Variants in PCDHA1 observed in about 807,000 individuals in gnomAD.
PCDHA1 encodes the protein protocadherin alpha-1.
A neutral mutation model predicts 61.3 loss-of-function variants in PCDHA1; 42 were observed. The ratio of observed to expected loss-of-function variants is 0.69; its 90% CI spans 0.54 to 0.89. The LOEUF (loss-of-function observed/expected upper bound fraction) is 0.89. PCDHA1 is among the 40% of genes least tolerant of loss of function. The probability of loss-of-function intolerance (pLI) is 0.00; values close to 1 mark genes in which losing one functional copy is unlikely to be tolerated. For synonymous variants in PCDHA1, 610 were observed against 553.8 expected (o/e 1.10, Z -1.43); for missense variants, 1,256 against 1,235.3 (o/e 1.02, Z -0.25).
At chr5:140,834,191 T>A in intron 1 of PCDHA1, 1 of 586,888 alleles carries the variant, frequency 1.7e-6, no homozygotes, top group Non-Finnish European at 3.0e-6. Context: ...ATGATGTCGC[T>A]CTTTACCGCA....
chr5:140,937,492 C>T (rs1390017602), intron 1 of PCDHA1, among the ~76,000 whole-genome samples: 1 of 152,054 alleles, frequency 6.6e-6, no homozygotes, highest in African/African-American at 2.4e-5. Context: ...TGGCACATAC[C>T]CGTAATCCCA....
chr5:140,828,221 T>C, intron 1 of PCDHA1: 2 of 1,614,030 alleles, frequency 1.2e-6, no homozygotes, highest in Non-Finnish European at 1.7e-6. Flanking sequence ...ACACGGCACC[T>C]TCGTGGGCCG....
intron 1 of PCDHA1, chr5:140,853,549 T>C: frequency 1.0e-6 from 1 of 979,350 alleles, no homozygotes; most frequent in South Asian, 4.8e-5. Flanking sequence ...TTGTAATTAC[T>C]ATATAGGAAA....
At chr5:140,879,208 A>C (rs546096733) in intron 1 of PCDHA1, among the ~76,000 whole-genome samples, 1 of 152,362 alleles carries the variant, frequency 6.6e-6, no homozygotes, top group East Asian at 1.9e-4. Context: ...ATGGCAGTAG[A>C]AATGAATTGA....
chr5:140,797,742 C>G (rs1316831856), intron 1 of PCDHA1, among the ~76,000 whole-genome samples: 1 of 152,170 alleles, frequency 6.6e-6, no homozygotes, highest in African/African-American at 2.4e-5. Context: ...CACTGTCTAT[C>G]CAATCTGTCG....
intron 1 of PCDHA1, among the ~76,000 whole-genome samples, chr5:140,855,336 A>AT (rs1438851451): frequency 6.7e-6 from 1 of 149,788 alleles, no homozygotes; most frequent in Non-Finnish European, 1.5e-5. Context: ...AGGTTAAACG[A>AT]TTTTCCCAAG....
At chr5:140,797,067 C>A (rs1554120285) in intron 1 of PCDHA1, 2 of 1,613,864 alleles carry the variant, frequency 1.2e-6, no homozygotes, top group Non-Finnish European at 1.7e-6. Flanking sequence ...TGTACCTGAT[C>A]ATCGCCATCT....
chr5:141,008,670 A>G (rs1375302412), intron 3 of PCDHA1, among the ~76,000 whole-genome samples: 1 of 152,218 alleles, frequency 6.6e-6, no homozygotes, highest in Non-Finnish European at 1.5e-5. Flanking sequence ...TACTTTACAT[A>G]TACTTTAGTT....
chr5:140,812,657 A>G (rs1192812490), intron 1 of PCDHA1: 1 of 152,140 alleles, frequency 6.6e-6, no homozygotes, highest in Non-Finnish European at 1.5e-5. Flanking sequence ...ACAAGATCTC[A>G]CTATGATGTA....
chr5:140,889,551 C>A (rs981990006), intron 1 of PCDHA1, among the ~76,000 whole-genome samples: 1 of 152,074 alleles, frequency 6.6e-6, no homozygotes, highest in Non-Finnish European at 1.5e-5. Flanking sequence ...ATTTACTTTT[C>A]TTCAGAATTC....
At chr5:140,824,627 T>TG (rs1379526597) in intron 1 of PCDHA1, 1 of 134,010 alleles carries the variant, frequency 7.5e-6, no homozygotes, top group East Asian at 2.0e-4. Flanking sequence ...TTTTTTTTTT[T>TG]TTTTTATTTT....
At chr5:140,829,199 G>C (rs1416881170) in intron 1 of PCDHA1, 1 of 1,614,038 alleles carries the variant, frequency 6.2e-7, no homozygotes, top group East Asian at 2.2e-5. Context: ...TACTGTCATC[G>C]CCCTAATTAG....
At chr5:140,931,507 T>C (rs564431042) in intron 1 of PCDHA1, among the ~76,000 whole-genome samples, 1 of 152,016 alleles carries the variant, frequency 6.6e-6, no homozygotes, top group African/African-American at 2.4e-5. Flanking sequence ...TTTAAACATA[T>C]ATGAATGATT....
intron 1 of PCDHA1, among the ~76,000 whole-genome samples, chr5:140,879,240 C>T (rs1266442175): frequency 6.6e-6 from 1 of 152,134 alleles, no homozygotes; most frequent in Non-Finnish European, 1.5e-5. Flanking sequence ...ACAAGAGGCA[C>T]TGGCAAAGTA....
chr5:141,008,470 C>T (rs2098378498), intron 3 of PCDHA1, among the ~76,000 whole-genome samples: 1 of 152,156 alleles, frequency 6.6e-6, no homozygotes, highest in Non-Finnish European at 1.5e-5. Context: ...GCTCTGACTT[C>T]TACTCTTCTA....
chr5:140,927,814 G>GCATA (rs1554205103), intron 1 of PCDHA1: 1 of 1,614,172 alleles, frequency 6.2e-7, no homozygotes, highest in Non-Finnish European at 8.5e-7. Context: ...GCTCTTGGAG[G>GCATA]CATACATTGA....
chr5:140,961,438 A>G (rs888082906), intron 1 of PCDHA1, among the ~76,000 whole-genome samples: 2 of 152,194 alleles, frequency 1.3e-5, no homozygotes, highest in South Asian at 4.1e-4. Context: ...AAAATCACCT[A>G]ACTACACTGT....
intron 1 of PCDHA1, chr5:140,842,871 T>A (rs1554139485): frequency 4.4e-6 from 7 of 1,593,666 alleles, no homozygotes; most frequent in Middle Eastern, 2.1e-4. Context: ...AGCGGCAAGG[T>A]GTACGCGCTG....
At chr5:140,945,790 T>C (rs1340396620) in intron 1 of PCDHA1, among the ~76,000 whole-genome samples, 2 of 152,010 alleles carry the variant, frequency 1.3e-5, no homozygotes, top group South Asian at 2.1e-4. Context: ...TGCAGAAAAA[T>C]GAAACTAGAC....
Sources: allele counts gnomAD v4.1 joint callset (sites outside exome capture counted in the v4.1 genomes callset), GRCh38; gene constraint gnomAD v4.1.1; transcripts MANE v1.5; gene names NCBI Gene and HGNC (gene_info 2026-07-23, HGNC 2026-07-21).